The following ANKRD30B variants were observed in gnomAD, a reference collection of about 807,000 sequenced individuals.
ANKRD30B encodes the protein ankyrin repeat domain 30B, also known as ankyrin repeat domain-containing protein 30B.
Under a neutral mutation model 202.2 loss-of-function variants are expected in ANKRD30B, and 144 were observed. That is an observed-to-expected ratio of 0.71 (90% CI 0.62 to 0.82). The LOEUF (loss-of-function observed/expected upper bound fraction) is 0.82. Ranked by LOEUF, ANKRD30B falls within the 40% of genes least tolerant of loss-of-function variation. ANKRD30B has a pLI of 0.00. For missense variants in ANKRD30B, 1,487 were observed against 1,669.1 expected (o/e 0.89, Z 1.90); for synonymous variants, 508 against 561.3 (o/e 0.91, Z 1.34).
chr18:14,755,009 T>A lies in ANKRD30B; in HGVS notation c.617+4T>A. 6.9e-7 allele frequency: 1 copy of A among 1,444,234 alleles called. No individual in the cohort carries two copies. Among genetic ancestry groups the A allele is most frequent in the Non-Finnish European group, 9.2e-7 (1 of 1,092,220 alleles). The allele number at this position is 1,444,234 out of a possible 1,614,324, so 89.5% of individuals were successfully genotyped here. On this transcript the variant is annotated splice_donor_region_variant and intron_variant, in intron 4 of 43. Coordinates refer to ENST00000690538, the MANE Select transcript of ANKRD30B (RefSeq NM_001367607.2). ...ACGCATTTAATGAGTCTAAATGGTA[T>A]GGTAGTTCTTTTTTTTTACTAAAAA... is the stretch of plus-strand genomic sequence containing the variant.
At chr18:14,837,179 TGTG>T in intron 34 of ANKRD30B, 29 bp from the exon 35 acceptor site, 1 of 1,408,978 alleles carries the variant, frequency 7.1e-7, no homozygotes, top group Admixed American at 2.6e-5. Flanking sequence ...GTTTTTTTTT[TGTG>T]TTTGCTTTCT....
chr18:14,790,151 A>C (rs1179917569), intron 15 of ANKRD30B, among the ~76,000 whole-genome samples: 1 of 152,156 alleles, frequency 6.6e-6, no homozygotes, highest in African/African-American at 2.4e-5. Context: ...TCTTTGAAGC[A>C]ATTGTGAATG....
intron 2 of ANKRD30B, 52 bp downstream of exon 2, chr18:14,752,732 A>G (rs1913657713): frequency 1.3e-6 from 2 of 1,544,054 alleles, no homozygotes; most frequent in East Asian, 2.4e-5. Context: ...TTAAATACAT[A>G]GAATAAAAAT....
chr18:14,771,519 C>A (rs567625480), intron 8 of ANKRD30B, among the ~76,000 whole-genome samples: 1 of 152,152 alleles, frequency 6.6e-6, no homozygotes, highest in South Asian at 2.1e-4. Context: ...GAAAATATTC[C>A]GAATAACAAA....
At chr18:14,908,912 A>G in the ANKRD30B span, among the ~76,000 whole-genome samples, 2 of 152,134 alleles carry the variant, frequency 1.3e-5, no homozygotes, top group Admixed American at 6.5e-5. Context: ...GGGAAAAGCT[A>G]TCTATCCTGT....
chr18:14,910,516 C>T, the ANKRD30B span, among the ~76,000 whole-genome samples: 18 of 150,074 alleles, frequency 1.2e-4, no homozygotes, highest in South Asian at 4.2e-4. Flanking sequence ...ATTTCTTTAT[C>T]CAGCCCTCCA....
At chr18:14,878,647 T>A in the ANKRD30B span, among the ~76,000 whole-genome samples, 2 of 152,188 alleles carry the variant, frequency 1.3e-5, no homozygotes, top group Non-Finnish European at 2.9e-5. Flanking sequence ...AGCCGTTCCC[T>A]TTATCCCAGC....
chr18:14,766,775 A>G (rs1349270950), intron 7 of ANKRD30B, among the ~76,000 whole-genome samples: 3 of 152,166 alleles, frequency 2.0e-5, no homozygotes, highest in Non-Finnish European at 4.4e-5. Flanking sequence ...AAAGCCATTG[A>G]CAAAACCCTG....
chr18:14,894,006 A>G, the ANKRD30B span, among the ~76,000 whole-genome samples: 1 of 151,768 alleles, frequency 6.6e-6, no homozygotes, highest in Non-Finnish European at 1.5e-5. Context: ...GAACATGAAA[A>G]ACCAGGCAAT....
chr18:14,798,965 A>C, intron 20 of ANKRD30B, 136 bp from the exon 21 acceptor site: 2 of 963,042 alleles, frequency 2.1e-6, no homozygotes, highest in Non-Finnish European at 3.3e-6. Context: ...ATAACCCAAA[A>C]GACCCCAAAA....
intron 24 of ANKRD30B, among the ~76,000 whole-genome samples, chr18:14,806,430 T>G (rs1193842940): frequency 6.6e-6 from 1 of 150,920 alleles, no homozygotes; most frequent in Non-Finnish European, 1.5e-5. Context: ...CAATAGCCAT[T>G]ACAAATGTGG....
At chr18:14,929,791 A>T in the ANKRD30B span, among the ~76,000 whole-genome samples, 1 of 151,902 alleles carries the variant, frequency 6.6e-6, no homozygotes, top group African/African-American at 2.4e-5. Flanking sequence ...ATGTGCATGC[A>T]TGTGTGTGTG....
At chr18:14,831,181 G>GGAAAAAAAAA (rs1267118242) in intron 33 of ANKRD30B, among the ~76,000 whole-genome samples, 1,438 of 52,302 alleles carry the variant, frequency 0.027, 52 homozygotes, top group Middle Eastern at 0.068. Flanking sequence ...CTCCGTCTCG[G>GGAAAAAAAAA]AAAAAAAAAA....
chr18:14,787,948 T>G (rs558013021), intron 15 of ANKRD30B, among the ~76,000 whole-genome samples: 160 of 152,326 alleles, frequency 1.1e-3, no homozygotes, highest in African/African-American at 3.7e-3. Flanking sequence ...ATTTTTTTCT[T>G]ACTGCATTTA....
chr18:14,933,429 G>A, the ANKRD30B span, among the ~76,000 whole-genome samples: 1 of 152,324 alleles, frequency 6.6e-6, no homozygotes, highest in Admixed American at 6.5e-5. Flanking sequence ...TGGGCCAGGT[G>A]GGAGCTGGGC....
In ANKRD30B at chr18:14,804,546, T is replaced by C. The variant is rs138609391; in HGVS notation, c.2284+722T>C. On this transcript the variant is annotated intron_variant, in intron 24 of 43. Coordinates refer to ENST00000690538, the MANE Select transcript of ANKRD30B (RefSeq NM_001367607.2). Reference sequence around the variant, plus strand: ...TTTTTAGTAAGTTGTCAGGCGATGCTGATGCTGGTGGTCGTTGGACCTTGC... The same window carrying C: ...TTTTTAGTAAGTTGTCAGGCGATGCCGATGCTGGTGGTCGTTGGACCTTGC... Among the ~76,000 whole-genome samples, 950 of 150,634 alleles carry C rather than the reference T, an allele frequency of 6.3e-3. 47 individuals are homozygous for C. Among genetic ancestry groups the C allele is most frequent in the African/African-American group, 0.022 (897 of 40,668 alleles).
downstream of ANKRD30B, among the ~76,000 whole-genome samples, chr18:14,855,242 G>C (rs1324131355): frequency 6.6e-6 from 1 of 152,220 alleles, no homozygotes. Context: ...TAGATTAACA[G>C]CATCCCAAGG....
chr18:14,897,135 A>G, the ANKRD30B span, among the ~76,000 whole-genome samples: 128 of 152,308 alleles, frequency 8.4e-4, no homozygotes, highest in African/African-American at 3.0e-3. Flanking sequence ...ACTATGTGCA[A>G]GGCCATGGAA....
At position 14,803,766 on chromosome 18, in the gene ANKRD30B, G is replaced by A; in HGVS notation, c.2226G>A (p.Val742=). The A allele has an allele frequency of 4.4e-6, 7 of 1,607,288 alleles. No homozygotes were observed. The highest frequency in any genetic ancestry group is 5.1e-6 in the Non-Finnish European group (6 of 1,178,326). ...TTGAGACTCTCTTACAGAATGATGT[G>A]TGTTTACCCAAGGCTACACATCAAA... ...SFLETLLQND[V]CLPKATHQKE... The change falls in exon 24 of 44, where the codon GTG becomes GTA. Residue 742 remains valine, a synonymous_variant. Transcript: ENST00000690538.
Sources: gnomAD v4.1 joint callset for allele counts (sites outside exome capture counted in the v4.1 genomes callset) on GRCh38, gnomAD v4.1.1 for gene constraint, MANE v1.5 for transcripts, NCBI Gene and HGNC (gene_info 2026-07-23, HGNC 2026-07-21) for gene names.